The following ANXA6 variants were observed in gnomAD, a reference collection of about 807,000 sequenced individuals.
ANXA6 encodes annexin A6.
In ANXA6, 71 loss-of-function variants were observed where a neutral mutation model predicts 95.4. The observed-to-expected ratio is 0.74, with a 90% CI of 0.61 to 0.91. ANXA6 has a LOEUF of 0.91. Ranked by LOEUF, ANXA6 falls within the 40% of genes least tolerant of loss-of-function variation. ANXA6 has a pLI of 0.00. For missense variants in ANXA6, 830 were observed against 876.4 expected (o/e 0.95, Z 0.67); for synonymous variants, 289 against 315.9 (o/e 0.91, Z 0.90).
intron 20 of ANXA6, among the ~76,000 whole-genome samples, chr5:151,114,068 T>A (rs1307988917): frequency 6.6e-6 from 1 of 152,012 alleles, no homozygotes; most frequent in Non-Finnish European, 1.5e-5. Context: ...TGACATGAGG[T>A]GTTTGGAAGA....
chr5:151,119,177 A>G lies in ANXA6; in HGVS notation c.1438+123T>C, dbSNP rs549786872. On this transcript the variant is annotated intron_variant, in intron 18 of 25. Coordinates refer to ENST00000354546, the MANE Select transcript of ANXA6 (RefSeq NM_001155.5). ...GATGGGCACACCCAAGAGGCTTATCAAATCCTCAAGGACTGAGGGAAAGGA... is the reference window on the plus strand; with the variant it reads ...GATGGGCACACCCAAGAGGCTTATCGAATCCTCAAGGACTGAGGGAAAGGA... The G allele has an allele frequency of 5.2e-5, 41 of 791,654 alleles. No individual in the cohort carries two copies. In the East Asian group the frequency reaches 1.0e-3, roughly 20 times the overall value. 49.0% of individuals were successfully genotyped at this position (791,654 alleles called of 1,614,324 possible). A position where few individuals can be genotyped will look rare whatever the true frequency, so the allele number is the denominator to read the frequency against.
rs764708353 is a variant in ANXA6 at position 151,134,290 on chromosome 5, T to A, written c.546+137A>T. 3 of 799,112 alleles carry A rather than the reference T, an allele frequency of 3.8e-6. No homozygotes were observed. The South Asian group carries it at 4.3e-5, about 11-fold the overall frequency. The allele number at this position is 799,112 out of a possible 1,614,324, so 49.5% of individuals were successfully genotyped here. The stretch of plus-strand genomic sequence containing the variant: ...TCTTTTCTTCAACAAAGCACCGGTA[T>A]ACATGACAGCTGTGGCTGGGTTATT... On this transcript the variant is annotated intron_variant, in intron 8 of 25. Coordinates refer to ENST00000354546, the MANE Select transcript of ANXA6 (RefSeq NM_001155.5).
intron 7 of ANXA6, among the ~76,000 whole-genome samples, chr5:151,135,005 G>A (rs1765616954): frequency 6.6e-6 from 1 of 152,218 alleles, no homozygotes; most frequent in Non-Finnish European, 1.5e-5. Flanking sequence ...TCCTAATGGT[G>A]CTTCTGTTGT....
intron 2 of ANXA6, 139 bp downstream of exon 2, chr5:151,147,745 G>A (rs1766007265): frequency 4.5e-6 from 4 of 885,500 alleles, no homozygotes; most frequent in Non-Finnish European, 5.3e-6. Flanking sequence ...TGTAACAGGA[G>A]CAAGCAAAGC....
At chr5:151,136,158 G>C in intron 7 of ANXA6, 98 bp downstream of exon 7, 2 of 1,185,166 alleles carry the variant, frequency 1.7e-6, no homozygotes, top group South Asian at 2.7e-5. Flanking sequence ...GCAAACCAGG[G>C]GAAGCTGACC....
At chr5:151,120,895 G>A (rs1042807267) in intron 17 of ANXA6, among the ~76,000 whole-genome samples, 1 of 152,168 alleles carries the variant, frequency 6.6e-6, no homozygotes, top group African/African-American at 2.4e-5. Flanking sequence ...AAAGTCCTGA[G>A]ACTGGGTCTA....
At chr5:151,103,834 C>T (rs1764616611) in intron 24 of ANXA6, 142 bp from the exon 25 acceptor site, 1 of 1,036,572 alleles carries the variant, frequency 9.6e-7, no homozygotes, top group Non-Finnish European at 1.3e-6. Context: ...CTTCTGCAAA[C>T]AGTCCTGACC....
intron 2 of ANXA6, among the ~76,000 whole-genome samples, chr5:151,140,901 C>CCCGCTCTGCTCTCCAGCT (rs1765817222): frequency 6.6e-6 from 1 of 152,206 alleles, no homozygotes. Flanking sequence ...GCTCTCCAGC[C>CCCGCTCTGCTCTCCAGCT]CCGCTCTGCT....
intron 7 of ANXA6, among the ~76,000 whole-genome samples, chr5:151,135,069 G>A (rs1394250170): frequency 6.6e-6 from 1 of 152,198 alleles, no homozygotes; most frequent in Admixed American, 6.5e-5. Flanking sequence ...ATAGGAGGAT[G>A]CACAAAGGGA....
intron 20 of ANXA6, among the ~76,000 whole-genome samples, chr5:151,114,141 A>G (rs1764929138): frequency 6.6e-6 from 1 of 152,242 alleles, no homozygotes; most frequent in South Asian, 2.1e-4. Context: ...TTAGTAGGAT[A>G]TGAGGAGTCA....
Position 151,138,906 on chromosome 5 carries a change from T to C in ANXA6, c.205-115A>G, listed in dbSNP as rs144521016. ...GCAGGTGCTGGGCTAAGTAATCTCA[T>C]TAAATCATCACCCTTGGAGGTATGT... is the stretch of plus-strand genomic sequence containing the variant. On this transcript the variant is annotated intron_variant, in intron 4 of 25. Transcript: ENST00000354546. The C allele has an allele frequency of 1.2e-3, 886 of 738,856 alleles. 7 individuals are homozygous for C. Among genetic ancestry groups the C allele is most frequent in the African/African-American group, 9.1e-3 (529 of 57,936 alleles). 45.8% of individuals were successfully genotyped at this position (738,856 alleles called of 1,614,324 possible). A position where few individuals can be genotyped will look rare whatever the true frequency, so the allele number is the denominator to read the frequency against.
chr5:151,108,174 T>C (rs1764751143), intron 23 of ANXA6, among the ~76,000 whole-genome samples: 1 of 152,028 alleles, frequency 6.6e-6, no homozygotes, highest in African/African-American at 2.4e-5. Flanking sequence ...TGTGTGTGTG[T>C]ATACACCCTA....
chr5:151,104,007 T>C (rs911238247), intron 24 of ANXA6, among the ~76,000 whole-genome samples: 4 of 152,316 alleles, frequency 2.6e-5, no homozygotes, highest in Middle Eastern at 3.4e-3. Flanking sequence ...CTGAATTAGA[T>C]TGAAGCCTAA....
intron 1 of ANXA6, 29 bp from the exon 2 acceptor site, chr5:151,147,955 T>C (rs1766012543): frequency 1.3e-6 from 2 of 1,581,872 alleles, no homozygotes; most frequent in Non-Finnish European, 1.7e-6. Flanking sequence ...GCATGTGAGA[T>C]TCCCCCCAAC....
At chr5:151,131,430 C>T (rs983815093) in intron 10 of ANXA6, 141 bp from the exon 11 acceptor site, 9 of 773,636 alleles carry the variant, frequency 1.2e-5, no homozygotes, top group Non-Finnish European at 2.0e-5. Context: ...TAGCTCACAG[C>T]CCCAGATCAC....
intron 20 of ANXA6, 117 bp from the exon 21 acceptor site, chr5:151,110,761 G>C: frequency 9.4e-7 from 1 of 1,059,556 alleles, no homozygotes; most frequent in African/African-American, 1.6e-5. Flanking sequence ...GGGAGTGGGA[G>C]AGGTCCCAAG....
intron 24 of ANXA6, 32 bp from the exon 25 acceptor site, chr5:151,103,724 C>T (rs551571415): frequency 8.8e-6 from 14 of 1,590,378 alleles, no homozygotes; most frequent in South Asian, 2.3e-5. Context: ...GAGACACAGG[C>T]GGAAGGAGAG....
rs538921583 is a variant in ANXA6 at position 151,133,781 on chromosome 5, T to C, written c.547-594A>G. Among the ~76,000 whole-genome samples, 6 of 152,304 alleles carry C rather than the reference T, an allele frequency of 3.9e-5. No homozygotes were observed. In the East Asian group the frequency reaches 1.2e-3, roughly 29 times the overall value. The stretch of plus-strand genomic sequence containing the variant: ...TTCAAGGCCCAGATTAAGTATTCCA[T>C]TTTTTTCTCAAAGTACTTCCCGATG... On this transcript the variant is annotated intron_variant, in intron 8 of 25. Coordinates refer to ENST00000354546, the MANE Select transcript of ANXA6 (RefSeq NM_001155.5).
At chr5:151,141,681 G>A (rs1164794538) in intron 2 of ANXA6, 2 of 985,454 alleles carry the variant, frequency 2.0e-6, no homozygotes, top group Non-Finnish European at 2.4e-6. Context: ...CTCCTCTGAG[G>A]TATGCATGCG....
Sources: allele counts gnomAD v4.1 joint callset (sites outside exome capture counted in the v4.1 genomes callset), GRCh38; gene constraint gnomAD v4.1.1; transcripts MANE v1.5; gene names NCBI Gene and HGNC (gene_info 2026-07-23, HGNC 2026-07-21).